Variants in MLLT3 observed in about 807,000 individuals in gnomAD.
MLLT3 encodes the protein protein AF-9.
A neutral mutation model predicts 53.2 loss-of-function variants in MLLT3; 4 were observed. The observed-to-expected ratio is 0.08, with a 90% CI of 0.04 to 0.17. MLLT3 has a LOEUF of 0.17. MLLT3 is among the 10% of genes least tolerant of loss of function. The pLI is 1.00. For synonymous variants in MLLT3, 283 were observed against 230.6 expected (o/e 1.23, Z -2.06); for missense variants, 569 against 684.0 (o/e 0.83, Z 1.87).
intron 2 of MLLT3, among the ~76,000 whole-genome samples, chr9:20,534,051 C>T (rs1818414410): frequency 6.6e-6 from 1 of 152,012 alleles, no homozygotes; most frequent in African/African-American, 2.4e-5. Flanking sequence ...GGCTGTATAA[C>T]TTGTACTCAA....
intron 2 of MLLT3, among the ~76,000 whole-genome samples, chr9:20,529,386 G>A (rs1199178786): frequency 1.3e-5 from 2 of 152,142 alleles, no homozygotes; most frequent in Non-Finnish European, 2.9e-5. Context: ...AACTTAATTT[G>A]AAAATATGTT....
rs186185665 is a variant in MLLT3, at chr9:20,449,263, C to G, written c.277-997G>C. Among the ~76,000 whole-genome samples, 325 of 152,260 alleles carry G rather than the reference C, an allele frequency of 2.1e-3. 3 individuals are homozygous for G. Among genetic ancestry groups the G allele is most frequent in the African/African-American group, 7.6e-3 (315 of 41,562 alleles). ...TGAATCATCATTGTGCCCTCAAAGA[C>G]TAGTTTATGCCTATACACAGTAGAA... On this transcript the variant is annotated intron_variant, in intron 3 of 10. Transcript: ENST00000380338.
intron 2 of MLLT3, among the ~76,000 whole-genome samples, chr9:20,550,294 C>T (rs1289996927): frequency 6.6e-6 from 1 of 152,128 alleles, no homozygotes. Flanking sequence ...AAGTAAGGAC[C>T]CAGATACACA....
chr9:20,384,142 T>A (rs1392669235), intron 5 of MLLT3, among the ~76,000 whole-genome samples: 1 of 152,076 alleles, frequency 6.6e-6, no homozygotes, highest in Non-Finnish European at 1.5e-5. Context: ...TGTAGACTTA[T>A]ATGCTTCTGC....
At chr9:20,587,761 G>C (rs1004835853) in intron 2 of MLLT3, among the ~76,000 whole-genome samples, 1 of 151,908 alleles carries the variant, frequency 6.6e-6, no homozygotes, top group Non-Finnish European at 1.5e-5. Flanking sequence ...AGATGAGTAG[G>C]TTGAGAAAAT....
At chr9:20,542,908 G>A (rs993029575) in intron 2 of MLLT3, among the ~76,000 whole-genome samples, 2 of 152,216 alleles carry the variant, frequency 1.3e-5, no homozygotes, top group Admixed American at 1.3e-4. Flanking sequence ...ATAACTTGCT[G>A]CAGCTTCTAC....
chr9:20,474,234 T>G (rs969561650), intron 2 of MLLT3, among the ~76,000 whole-genome samples: 1 of 152,102 alleles, frequency 6.6e-6, no homozygotes, highest in Non-Finnish European at 1.5e-5. Context: ...TAAAACCACA[T>G]AGAAATTTTT....
At chr9:20,385,230 A>G (rs1157974629) in intron 5 of MLLT3, among the ~76,000 whole-genome samples, 1 of 152,188 alleles carries the variant, frequency 6.6e-6, no homozygotes, top group Non-Finnish European at 1.5e-5. Flanking sequence ...TATTTATAGT[A>G]TAATTAGTCA....
At chr9:20,585,160 T>C (rs544544506) in intron 2 of MLLT3, among the ~76,000 whole-genome samples, 28 of 152,312 alleles carry the variant, frequency 1.8e-4, no homozygotes, top group African/African-American at 6.7e-4. Context: ...AGGGGCCAAC[T>C]GATTCTGTTT....
chr9:20,473,541 C>A (rs761574045), intron 2 of MLLT3, among the ~76,000 whole-genome samples: 5 of 152,020 alleles, frequency 3.3e-5, no homozygotes, highest in Non-Finnish European at 7.4e-5. Flanking sequence ...GACATAGACA[C>A]AGTCAGGGAA....
At chr9:20,478,509 C>A (rs1300065520) in intron 2 of MLLT3, among the ~76,000 whole-genome samples, 1 of 151,974 alleles carries the variant, frequency 6.6e-6, no homozygotes, top group Non-Finnish European at 1.5e-5. Flanking sequence ...GACACTGTGC[C>A]CCGTCAAGGA....
At chr9:20,591,641 C>G (rs1196164730) in intron 2 of MLLT3, among the ~76,000 whole-genome samples, 1 of 152,046 alleles carries the variant, frequency 6.6e-6, no homozygotes, top group Admixed American at 6.5e-5. Flanking sequence ...TGAAAATTAC[C>G]AAACTTACAT....
intron 6 of MLLT3, among the ~76,000 whole-genome samples, chr9:20,364,440 GT>G (rs1278487978): frequency 3.3e-5 from 5 of 152,154 alleles, no homozygotes; most frequent in African/African-American, 7.2e-5. Flanking sequence ...AAAATAGATA[GT>G]TTTAATCTTA....
intron 4 of MLLT3, among the ~76,000 whole-genome samples, chr9:20,433,992 G>A (rs985236484): frequency 1.3e-5 from 2 of 151,462 alleles, no homozygotes; most frequent in African/African-American, 2.4e-5. Context: ...ATGGTGGCAC[G>A]CACCTGTAGT....
At chr9:20,496,068 C>A (rs1360932195) in intron 2 of MLLT3, among the ~76,000 whole-genome samples, 3 of 152,164 alleles carry the variant, frequency 2.0e-5, no homozygotes, top group African/African-American at 7.2e-5. Flanking sequence ...CTTGTACTGA[C>A]CTGTGCTTAG....
chr9:20,568,546 C>G (rs1476586052), intron 2 of MLLT3, among the ~76,000 whole-genome samples: 1 of 152,072 alleles, frequency 6.6e-6, no homozygotes, highest in African/African-American at 2.4e-5. Context: ...ACAAGCAAAC[C>G]AAGCTGTAGC....
chr9:20,417,082 T>C (rs1007275606), intron 4 of MLLT3, among the ~76,000 whole-genome samples: 2 of 151,464 alleles, frequency 1.3e-5, no homozygotes, highest in Non-Finnish European at 2.9e-5. Flanking sequence ...TGTTTGTACA[T>C]GTAATAAATG....
At chr9:20,430,668 T>G (rs561049362) in intron 4 of MLLT3, among the ~76,000 whole-genome samples, 1 of 152,210 alleles carries the variant, frequency 6.6e-6, no homozygotes, top group East Asian at 1.9e-4. Flanking sequence ...TTCAGAAAAT[T>G]CAGGAGAATA....
intron 2 of MLLT3, among the ~76,000 whole-genome samples, chr9:20,542,994 T>A (rs895571777): frequency 1.3e-5 from 2 of 152,198 alleles, no homozygotes; most frequent in African/African-American, 4.8e-5. Context: ...TGAAACAACC[T>A]CTGCTAGCTT....
Sources: gnomAD v4.1 joint callset for allele counts (sites outside exome capture counted in the v4.1 genomes callset) on GRCh38, gnomAD v4.1.1 for gene constraint, MANE v1.5 for transcripts, NCBI Gene and HGNC (gene_info 2026-07-23, HGNC 2026-07-21) for gene names.